The following CENPC variants were observed in gnomAD, a reference collection of about 807,000 sequenced individuals.
The protein encoded by CENPC is CENP-C 1.
CENPC carries 63 observed loss-of-function variants against 112.1 expected under a neutral mutation model. The observed-to-expected ratio is 0.56, with a 90% CI of 0.46 to 0.69. The LOEUF is 0.69. Ranked by LOEUF, CENPC falls within the 30% of genes least tolerant of loss-of-function variation. CENPC has a pLI of 0.00. For missense variants in CENPC, 1,000 were observed against 1,103.8 expected, an observed-to-expected ratio of 0.91 and a Z score of 1.33; for synonymous variants, 333 against 367.6, an observed-to-expected ratio of 0.91 and a Z score of 1.08.
intron 12 of CENPC, among the ~76,000 whole-genome samples, chr4:67,504,130 T>C (rs1310908295): frequency 6.8e-6 from 1 of 146,692 alleles, no homozygotes; most frequent in Non-Finnish European, 1.5e-5. Context: ...TAGTAAGTAG[T>C]AGAGCTAGAA....
intron 12 of CENPC, 77 bp from the exon 13 acceptor site, chr4:67,495,289 T>C: frequency 7.8e-7 from 1 of 1,289,176 alleles, no homozygotes; most frequent in East Asian, 2.7e-5. Context: ...TCCTGGTCAA[T>C]TTCAGTATGA....
chr4:67,530,257 G>A (rs1486794994), intron 5 of CENPC, among the ~76,000 whole-genome samples: 1 of 152,116 alleles, frequency 6.6e-6, no homozygotes, highest in Non-Finnish European at 1.5e-5. Flanking sequence ...TCATGGAAAT[G>A]GACACTAAAG....
chr4:67,498,315 G>A (rs1478382162), intron 12 of CENPC, among the ~76,000 whole-genome samples: 1 of 152,128 alleles, frequency 6.6e-6, no homozygotes, highest in Non-Finnish European at 1.5e-5. Context: ...TTTGCTGATA[G>A]GGTATTTTGC....
In CENPC at chr4:67,508,886, C is replaced by A; in HGVS notation, c.1832G>T (p.Arg611Ile). The A allele has an allele frequency of 6.2e-7, 1 of 1,613,666 alleles. No individual in the cohort carries two copies. ...TTCCAATGGCTCACTCAGCGAACAT[C>A]TGGAAATTTCATCATGACCAACGAT... Reference protein sequence around the residue: ...GGIVGHDEISRCSLSEPLESD... With the variant: ...GGIVGHDEISICSLSEPLESD... The change falls in exon 10 of 19, where the codon AGA becomes ATA. Residue 611 changes from arginine (R) to isoleucine (I), a missense_variant. Physicochemically the swap from Arg to Ile is moderately conservative, Grantham distance 97. Coordinates refer to ENST00000273853, the MANE Select transcript of CENPC (RefSeq NM_001812.4).
chr4:67,505,944 A>T (rs1308970241), intron 11 of CENPC, among the ~76,000 whole-genome samples: 9 of 152,186 alleles, frequency 5.9e-5, no homozygotes, highest in Non-Finnish European at 8.8e-5. Context: ...ATTAAAAAAA[A>T]ATATAGCCAA....
In CENPC at chr4:67,507,359, T is replaced by C. The variant is rs909192841; in HGVS notation, c.1905-425A>G. Reference sequence around the variant, plus strand: ...GAGCTCATCTCTTTGGTAGTTAGTTTACTCCAAATATATGCAAACAAGATA... The same window carrying C: ...GAGCTCATCTCTTTGGTAGTTAGTTCACTCCAAATATATGCAAACAAGATA... On this transcript the variant is annotated intron_variant, in intron 10 of 18. Transcript: ENST00000273853. Among the ~76,000 whole-genome samples, 3 of 152,194 alleles carry C rather than the reference T, an allele frequency of 2.0e-5. No homozygotes were observed. The South Asian group carries it at 6.2e-4, about 31-fold the overall frequency.
intron 4 of CENPC, among the ~76,000 whole-genome samples, chr4:67,539,432 T>C (rs1422143408): frequency 1.3e-5 from 2 of 152,184 alleles, no homozygotes; most frequent in Non-Finnish European, 2.9e-5. Context: ...AATACTTTAT[T>C]TCTGATCAAA....
At chr4:67,480,103 T>C (rs548416701) in intron 17 of CENPC, among the ~76,000 whole-genome samples, 5 of 152,300 alleles carry the variant, frequency 3.3e-5, no homozygotes, top group South Asian at 4.1e-4. Context: ...GTGGATTGCC[T>C]GGGGTCAGGA....
At chr4:67,533,777 C>T (rs189617799) in intron 4 of CENPC, among the ~76,000 whole-genome samples, 1 of 152,326 alleles carries the variant, frequency 6.6e-6, no homozygotes, top group East Asian at 1.9e-4. Flanking sequence ...GTGGCTCACA[C>T]CTGTAATCCC....
intron 9 of CENPC, among the ~76,000 whole-genome samples, chr4:67,510,373 G>C (rs541992577): frequency 6.6e-6 from 1 of 152,226 alleles, no homozygotes; most frequent in South Asian, 2.1e-4. Flanking sequence ...CCAAGTCTTA[G>C]GTAGCTTGCT....
At chr4:67,518,919 T>A (rs1389036027) in intron 6 of CENPC, among the ~76,000 whole-genome samples, 2 of 152,192 alleles carry the variant, frequency 1.3e-5, no homozygotes, top group Non-Finnish European at 2.9e-5. Flanking sequence ...CACTTGCAAT[T>A]ACAAAAAATA....
chr4:67,491,478 TATAGAGAGAGAGAG>T (rs1177642313), intron 16 of CENPC, among the ~76,000 whole-genome samples: 6 of 24,990 alleles, frequency 2.4e-4, no homozygotes, highest in African/African-American at 2.5e-4. Flanking sequence ...TATATATATA[TATAGAGAGAGAGAG>T]AGAGAGAGAG....
intron 5 of CENPC, among the ~76,000 whole-genome samples, chr4:67,525,513 T>C (rs866450646): frequency 1.3e-5 from 2 of 151,996 alleles, no homozygotes; most frequent in Non-Finnish European, 2.9e-5. Context: ...GCAAATGATA[T>C]GAACAGACAC....
intron 7 of CENPC, 21 bp from the exon 8 acceptor site, chr4:67,514,708 T>C (rs1040814345): frequency 5.1e-6 from 8 of 1,557,820 alleles, no homozygotes; most frequent in Non-Finnish European, 6.9e-6. Flanking sequence ...GTGATACTTT[T>C]AACAGTTCAA....
At chr4:67,515,037 T>C (rs942369334) in intron 7 of CENPC, among the ~76,000 whole-genome samples, 1 of 150,126 alleles carries the variant, frequency 6.7e-6, no homozygotes, top group East Asian at 1.9e-4. Flanking sequence ...CTATTATATA[T>C]AATCTTATAT....
intron 17 of CENPC, among the ~76,000 whole-genome samples, chr4:67,483,451 C>T (rs748301719): frequency 2.0e-5 from 3 of 151,680 alleles, no homozygotes; most frequent in Non-Finnish European, 4.4e-5. Flanking sequence ...TTGTGTGGTA[C>T]AAAACACTTG....
rs573829202 is a variant in CENPC, at chr4:67,541,439, C to T, written c.66-389G>A. 2.0e-5 allele frequency among the ~76,000 whole-genome samples: 3 copies of T among 152,206 alleles called. No homozygotes were observed. In the South Asian group the frequency reaches 6.2e-4, roughly 32 times the overall value. ...ATTCCTCCCTATAAATTCTCAAATG[C>T]ATTTCTAATTCAGTATCATTGATTA... On this transcript the variant is annotated intron_variant, in intron 2 of 18. Coordinates refer to ENST00000273853, the MANE Select transcript of CENPC (RefSeq NM_001812.4).
intron 4 of CENPC, 33 bp downstream of exon 4, chr4:67,539,807 T>C (rs755137963): frequency 1.7e-6 from 2 of 1,169,820 alleles, no homozygotes; most frequent in East Asian, 2.7e-5. Flanking sequence ...CATTAAAATA[T>C]TAAACCTATA....
intron 17 of CENPC, among the ~76,000 whole-genome samples, chr4:67,486,837 C>T (rs1194233145): frequency 1.3e-5 from 2 of 152,078 alleles, no homozygotes; most frequent in African/African-American, 4.8e-5. Context: ...TCATAAAAAT[C>T]TTCATGCAGG....
Sources: allele counts gnomAD v4.1 joint callset (sites outside exome capture counted in the v4.1 genomes callset), GRCh38; gene constraint gnomAD v4.1.1; transcripts MANE v1.5; gene names NCBI Gene and HGNC (gene_info 2026-07-23, HGNC 2026-07-21).